Variants in ACTR6 observed in about 807,000 individuals in gnomAD.
ACTR6 encodes actin related protein 6.
A neutral mutation model predicts 52.5 loss-of-function variants in ACTR6; 50 were observed. That is an observed-to-expected ratio of 0.95 (90% CI 0.76 to 1.20). The LOEUF is 1.20. Among genes scored for constraint, ACTR6 ranks in the 50% most tolerant of loss-of-function variants. The pLI is 0.00. For synonymous variants in ACTR6, 135 were observed against 147.2 expected (o/e 0.92, Z 0.60); for missense variants, 344 against 472.4 (o/e 0.73, Z 2.52).
intron 1 of ACTR6, among the ~76,000 whole-genome samples, chr12:100,202,570 G>T (rs2096110631): frequency 6.6e-6 from 1 of 151,968 alleles, no homozygotes; most frequent in South Asian, 2.1e-4. Flanking sequence ...ATTAATAATG[G>T]CTCTAGTTTG....
rs559121807 is a variant in ACTR6 at position 100,211,942 on chromosome 12, G to A, written c.573-314G>A. On this transcript the variant is annotated intron_variant, in intron 6 of 10. Coordinates refer to ENST00000188312, the MANE Select transcript of ACTR6 (RefSeq NM_022496.5). ...CAGAAAAGAAAGTGCATAGAGTTAA[G>A]GCATTGTAGCAAGATTCTATTCAGA... Among the ~76,000 whole-genome samples the A allele has an allele frequency of 2.8e-4, 43 of 152,256 alleles. 1 individual carries two copies. Among genetic ancestry groups the A allele is most frequent in the African/African-American group, 7.9e-4 (33 of 41,544 alleles).
intron 4 of ACTR6, among the ~76,000 whole-genome samples, chr12:100,209,739 C>T (rs1205288472): frequency 6.6e-6 from 1 of 152,190 alleles, no homozygotes; most frequent in Admixed American, 6.6e-5. Flanking sequence ...TTAACACACA[C>T]ACTCATTATA....
intron 8 of ACTR6, among the ~76,000 whole-genome samples, chr12:100,214,668 G>A (rs1257484995): frequency 6.6e-6 from 1 of 152,090 alleles, no homozygotes; most frequent in African/African-American, 2.4e-5. Context: ...CCATGAATTT[G>A]AGGTTACAGT....
At position 100,207,682 on chromosome 12, in the gene ACTR6, ATAT is replaced by A. The variant is rs1566292289; in HGVS notation, c.282_284del (p.Ile95del). On this transcript the variant is annotated inframe_deletion, in exon 4 of 11. Coordinates refer to ENST00000188312, the MANE Select transcript of ACTR6 (RefSeq NM_022496.5). ...CTATAGGTTGATTTTTTAGATACTAATATTATTATCACTGAACCATACTTTAAC... is the reference window on the plus strand; with the variant it reads ...CTATAGGTTGATTTTTTAGATACTAATATTATCACTGAACCATACTTTAAC... The A allele has an allele frequency of 3.9e-6, 6 of 1,541,326 alleles. No individual in the cohort carries two copies. Among genetic ancestry groups the A allele is most frequent in the Middle Eastern group, 1.8e-4 (1 of 5,586 alleles).
intron 10 of ACTR6, among the ~76,000 whole-genome samples, chr12:100,222,525 TG>T (rs1177824268): frequency 6.6e-6 from 1 of 152,038 alleles, no homozygotes; most frequent in East Asian, 1.9e-4. Flanking sequence ...ACCAAAGTGC[TG>T]GGATTACAGG....
chr12:100,216,543 T>C (rs2096124085), intron 8 of ACTR6, among the ~76,000 whole-genome samples: 2 of 152,214 alleles, frequency 1.3e-5, no homozygotes. Context: ...CTCCCCTAGT[T>C]AGTCATTTAA....
intron 10 of ACTR6, among the ~76,000 whole-genome samples, chr12:100,220,438 A>G (rs1409084760): frequency 2.6e-5 from 4 of 152,248 alleles, no homozygotes; most frequent in Admixed American, 6.5e-5. Flanking sequence ...AGATTTTTAT[A>G]GGCAAAGCAA....
chr12:100,201,071 G>A, intron 1 of ACTR6, 152 bp downstream of exon 1: 1 of 1,486,752 alleles, frequency 6.7e-7, no homozygotes, highest in Non-Finnish European at 8.9e-7. Context: ...GTGGGTGATT[G>A]TGATGCTTTG....
chr12:100,214,637 AGTTGGGAGG>A (rs2096122610), intron 8 of ACTR6, among the ~76,000 whole-genome samples: 1 of 152,114 alleles, frequency 6.6e-6, no homozygotes, highest in Admixed American at 6.6e-5. Flanking sequence ...CAGGAGGCCG[AGTTGGGAGG>A]ATTGCTTGTG....
At chr12:100,208,572 T>G (rs1467783185) in intron 4 of ACTR6, among the ~76,000 whole-genome samples, 2 of 151,818 alleles carry the variant, frequency 1.3e-5, no homozygotes, top group African/African-American at 4.8e-5. Context: ...ACTGCGCAAG[T>G]TTTGGAATCT....
chr12:100,213,354 G>A (rs1185900003), intron 8 of ACTR6, among the ~76,000 whole-genome samples: 1 of 152,134 alleles, frequency 6.6e-6, no homozygotes, highest in African/African-American at 2.4e-5. Context: ...TGGCTCCTAG[G>A]TGTTGGGATT....
Position 100,209,737 on chromosome 12 carries a change from C to G in ACTR6, c.380-336C>G, listed in dbSNP as rs78146506. On this transcript the variant is annotated intron_variant, in intron 4 of 10. Coordinates refer to ENST00000188312, the MANE Select transcript of ACTR6 (RefSeq NM_022496.5). ...TGGAATTGTTTTGAGTATTAACACA[C>G]ACACTCATTATACAGATTTTAGAAT... Among the ~76,000 whole-genome samples, 352 of 152,298 alleles carry G rather than the reference C, an allele frequency of 2.3e-3. 8 individuals carry two copies. The East Asian group carries it at 0.04, about 17-fold the overall frequency.
rs777079732 is a variant in ACTR6 at position 100,200,836 on chromosome 12, T to A, written c.-16T>A. 1 of 1,613,316 alleles carries A rather than the reference T, an allele frequency of 6.2e-7. No homozygotes were observed. The highest frequency in any genetic ancestry group is 8.5e-7 in the Non-Finnish European group (1 of 1,179,458). On this transcript the variant is annotated 5_prime_UTR_variant, in exon 1 of 11. Transcript: ENST00000188312. ...AAAGGGAAAACAACTACGGCTGCGG[T>A]GTGGTTGGTGGTGAGATGACGACCT...
chr12:100,201,978 C>A (rs1346380990), intron 1 of ACTR6, among the ~76,000 whole-genome samples: 3 of 150,554 alleles, frequency 2.0e-5, no homozygotes, highest in Admixed American at 6.6e-5. Context: ...CTTGTCCAGG[C>A]TGGAGTGCAG....
At position 100,223,743 on chromosome 12, in the gene ACTR6, T is replaced by C. The variant is rs757616252; in HGVS notation, c.1062-43T>C. ...AATTTATGTTTCAGGCATTTCAGTT[T>C]TCCTGTAAAATCATCTGGGTTCATT... is the stretch of plus-strand genomic sequence containing the variant. On this transcript the variant is annotated intron_variant, in intron 10 of 10. Coordinates refer to ENST00000188312, the MANE Select transcript of ACTR6 (RefSeq NM_022496.5). The C allele has an allele frequency of 1.9e-6, 3 of 1,574,920 alleles. 1 individual carries two copies. The East Asian group carries it at 6.8e-5, about 36-fold the overall frequency.
Position 100,203,456 on chromosome 12 carries a change from AC to A in ACTR6, c.69-1482del, listed in dbSNP as rs375483836. Among the ~76,000 whole-genome samples, 415 of 152,032 alleles carry A rather than the reference AC, an allele frequency of 2.7e-3. 1 individual carries two copies. Among genetic ancestry groups the A allele is most frequent in the African/African-American group, 9.6e-3 (399 of 41,492 alleles). On this transcript the variant is annotated intron_variant, in intron 1 of 10. Coordinates refer to ENST00000188312, the MANE Select transcript of ACTR6 (RefSeq NM_022496.5). ...GTAGGTGGGATTACAGGCATGCACC[AC>A]CATGCCCAGCTAATTTTTATATTTT...
rs1230278725 is a variant in ACTR6 at position 100,218,406 on chromosome 12, G to A, written c.751-9G>A. On this transcript the variant is annotated splice_polypyrimidine_tract_variant and intron_variant, in intron 8 of 10. Transcript: ENST00000188312. This position sits in a 1 kb window ranked among gnomAD's most constrained non-coding sequence, Gnocchi z 4.2. ...ATAACTTAAACTTTTAATCTTCTTTGTCTTTAAGCCAAGGGAAGAGATGGT... is the reference window on the plus strand; with the variant it reads ...ATAACTTAAACTTTTAATCTTCTTTATCTTTAAGCCAAGGGAAGAGATGGT... 3.1e-6 allele frequency: 5 copies of A among 1,603,442 alleles called. No individual in the cohort carries two copies. Among genetic ancestry groups the A allele is most frequent in the Non-Finnish European group, 3.4e-6 (4 of 1,175,478 alleles).
intron 8 of ACTR6, among the ~76,000 whole-genome samples, chr12:100,217,904 G>C (rs1190469284): frequency 2.0e-5 from 3 of 152,154 alleles, no homozygotes; most frequent in Non-Finnish European, 4.4e-5. Flanking sequence ...TTTTTATTTA[G>C]AATGTGTTCT....
intron 10 of ACTR6, among the ~76,000 whole-genome samples, chr12:100,223,559 G>A (rs988279720): frequency 2.0e-5 from 3 of 152,146 alleles, no homozygotes; most frequent in Non-Finnish European, 4.4e-5. Context: ...TTACTATTTT[G>A]TAGCGGTAAA....
Sources: allele counts gnomAD v4.1 joint callset (sites outside exome capture counted in the v4.1 genomes callset), GRCh38; gene constraint gnomAD v4.1.1; non-coding constraint Gnocchi (gnomAD v3.1); transcripts MANE v1.5; gene names NCBI Gene and HGNC (gene_info 2026-07-23, HGNC 2026-07-21).